Variants in UGT1A10 observed in about 807,000 individuals in gnomAD.
UGT1A10 encodes UDP-glucuronosyltransferase 1A10.
UGT1A10 carries 49 observed loss-of-function variants against 45.8 expected under a neutral mutation model. The ratio of observed to expected loss-of-function variants is 1.07; its 90% CI spans 0.85 to 1.36. The LOEUF is 1.36. UGT1A10 is among the 40% of genes most tolerant of loss of function. The pLI is 0.00. For synonymous variants in UGT1A10, 284 were observed against 249.7 expected, an observed-to-expected ratio of 1.14 and a Z score of -1.29; for missense variants, 745 against 668.6, an observed-to-expected ratio of 1.11 and a Z score of -1.26.
intron 1 of UGT1A10, among the ~76,000 whole-genome samples, chr2:233,654,681 C>G (rs2073816238): frequency 6.6e-6 from 1 of 152,230 alleles, no homozygotes; most frequent in South Asian, 2.1e-4. Flanking sequence ...AATTTCTAAG[C>G]ATTTCCTGCA....
chr2:233,676,583 TGTA>T (rs1363296300), intron 1 of UGT1A10, among the ~76,000 whole-genome samples: 1 of 152,194 alleles, frequency 6.6e-6, no homozygotes, highest in African/African-American at 2.4e-5. Flanking sequence ...CCACCTGAAA[TGTA>T]GTCATCATGT....
At chr2:233,682,792 G>A in intron 1 of UGT1A10, 1 of 1,611,130 alleles carries the variant, frequency 6.2e-7, no homozygotes, top group South Asian at 1.1e-5. Flanking sequence ...CAGTGCCTAT[G>A]GTAAGTTATC....
In UGT1A10 at chr2:233,693,744, A is replaced by G. The variant is rs533205358; in HGVS notation, c.855+56367A>G. ...AGAGATGTGGATATAATCACCTTAT[A>G]TCAGAAGGTCTCTGTTTGGCTGTTA... On this transcript the variant is annotated intron_variant, in intron 1 of 4. Transcript: ENST00000344644. 103 of 1,614,126 alleles carry G rather than the reference A, an allele frequency of 6.4e-5. No homozygotes were observed. The highest frequency in any genetic ancestry group is 7.9e-5 in the Non-Finnish European group (93 of 1,180,050).
At chr2:233,735,837 C>T (rs2078701654) in intron 1 of UGT1A10, among the ~76,000 whole-genome samples, 1 of 151,994 alleles carries the variant, frequency 6.6e-6, no homozygotes, top group South Asian at 2.1e-4. Flanking sequence ...GAATATTGGC[C>T]CCCACTCTCT....
chr2:233,671,236 T>C (rs958100210), intron 1 of UGT1A10, among the ~76,000 whole-genome samples: 1 of 152,322 alleles, frequency 6.6e-6, no homozygotes, highest in African/African-American at 2.4e-5. Context: ...TCGCAAGGAT[T>C]GGGCGGGCAA....
chr2:233,687,079 G>A (rs901848542), intron 1 of UGT1A10, among the ~76,000 whole-genome samples: 1 of 152,194 alleles, frequency 6.6e-6, no homozygotes, highest in African/African-American at 2.4e-5. Flanking sequence ...GATTTCATAA[G>A]TACTTCAGCT....
At position 233,636,712 on chromosome 2, in the gene UGT1A10, T is replaced by C; in HGVS notation, c.190T>C (p.Trp64Arg). 1 of 1,614,138 alleles carries C rather than the reference T, an allele frequency of 6.2e-7. No homozygotes were observed. The highest frequency in any genetic ancestry group is 1.1e-5 in the South Asian group (1 of 91,076). Reference protein sequence around the residue: ...EVVVVMPEVSWQLERSLNCTV... With the variant: ...EVVVVMPEVSRQLERSLNCTV... ...GGTTGTAGTCATGCCAGAGGTGAGT[T>C]GGCAACTGGAAAGATCACTGAATTG... Residue 64 changes from tryptophan to arginine, a missense_variant, in exon 1 of 5, where the codon TGG becomes CGG. Coordinates refer to ENST00000344644, the MANE Select transcript of UGT1A10 (RefSeq NM_019075.4).
At chr2:233,737,974 T>C (rs1690646890) in intron 1 of UGT1A10, among the ~76,000 whole-genome samples, 1 of 152,114 alleles carries the variant, frequency 6.6e-6, no homozygotes, top group South Asian at 2.1e-4. Flanking sequence ...CTAGATTTAA[T>C]ATGGTTTGGC....
At chr2:233,712,262 T>G (rs1270284843) in intron 1 of UGT1A10, among the ~76,000 whole-genome samples, 1 of 152,236 alleles carries the variant, frequency 6.6e-6, no homozygotes, top group African/African-American at 2.4e-5. Context: ...TGCACATGTG[T>G]GCTTTAGACA....
At chr2:233,647,316 G>A (rs145829220) in intron 1 of UGT1A10, among the ~76,000 whole-genome samples, 9 of 152,232 alleles carry the variant, frequency 5.9e-5, no homozygotes, top group Non-Finnish European at 1.3e-4. Context: ...TTACATTTTC[G>A]TATCTAAGGT....
chr2:233,648,612 C>G (rs1373356666), intron 1 of UGT1A10, among the ~76,000 whole-genome samples: 2 of 119,014 alleles, frequency 1.7e-5, no homozygotes, highest in African/African-American at 6.5e-5. Flanking sequence ...AGGTGCCTGC[C>G]ACCACGCCTG....
intron 1 of UGT1A10, among the ~76,000 whole-genome samples, chr2:233,723,070 TATC>T (rs1029287051): frequency 2.8e-5 from 4 of 141,500 alleles, no homozygotes; most frequent in Admixed American, 7.2e-5. Context: ...TATGGAAATA[TATC>T]ATCATTTTTG....
intron 1 of UGT1A10, chr2:233,692,193 G>C (rs1481987311): frequency 1.3e-5 from 2 of 152,356 alleles, no homozygotes. Flanking sequence ...GGTTGCTGAA[G>C]GTGTGGAGGG....
At chr2:233,728,384 G>T (rs533416663) in intron 1 of UGT1A10, among the ~76,000 whole-genome samples, 3 of 152,276 alleles carry the variant, frequency 2.0e-5, no homozygotes, top group Admixed American at 1.3e-4. Flanking sequence ...TCTTTGCTAG[G>T]GTTGTCTTGC....
At chr2:233,717,613 A>C (rs998519106) in intron 1 of UGT1A10, among the ~76,000 whole-genome samples, 1 of 152,256 alleles carries the variant, frequency 6.6e-6, no homozygotes, top group African/African-American at 2.4e-5. Flanking sequence ...GGCACAGCCC[A>C]GAGAGCCTGC....
intron 1 of UGT1A10, among the ~76,000 whole-genome samples, chr2:233,725,204 A>AGAGGCAGAG (rs1559370312): frequency 1.2e-4 from 10 of 85,258 alleles, no homozygotes; most frequent in African/African-American, 8.3e-4. Context: ...AGGCAGAGGC[A>AGAGGCAGAG]GAGGCAGAGG....
rs573485749 is a variant in UGT1A10 at position 233,724,715 on chromosome 2, C to G, written c.856-42319C>G. On this transcript the variant is annotated intron_variant, in intron 1 of 4. Coordinates refer to ENST00000344644, the MANE Select transcript of UGT1A10 (RefSeq NM_019075.4). ...GTGAAGACGCTCCTCGCTTTCCAGACTGGGCAGCCAGGCAGAGGGGCTCCT... is the reference window on the plus strand; with the variant it reads ...GTGAAGACGCTCCTCGCTTTCCAGAGTGGGCAGCCAGGCAGAGGGGCTCCT... Among the ~76,000 whole-genome samples, 232 of 143,874 alleles carry G rather than the reference C, an allele frequency of 1.6e-3. 23 individuals carry two copies. Among genetic ancestry groups the G allele is most frequent in the African/African-American group, 6.0e-3 (227 of 38,016 alleles). The allele number at this position is 143,874 out of a possible 152,430, so 94.4% of individuals were successfully genotyped here. A position where few individuals can be genotyped will look rare whatever the true frequency, so the allele number is the denominator to read the frequency against.
chr2:233,638,386 C>T (rs561166431), intron 1 of UGT1A10, among the ~76,000 whole-genome samples: 2 of 152,274 alleles, frequency 1.3e-5, no homozygotes, highest in East Asian at 1.9e-4. Flanking sequence ...CCAGCCACAT[C>T]ACTAACTTTT....
In UGT1A10 at chr2:233,636,802, G is replaced by A. The variant is rs776832853; in HGVS notation, c.280G>A (p.Ala94Thr). Reference protein sequence around the residue: ...EDQNREFMVFAHAQWKAQAQS... With the variant: ...EDQNREFMVFTHAQWKAQAQS... ...TCAGAACCGGGAATTCATGGTTTTC[G>A]CCCATGCTCAATGGAAAGCACAGGC... is the stretch of plus-strand genomic sequence containing the variant. Residue 94 changes from alanine to threonine, a missense_variant, in exon 1 of 5, where the codon GCC (alanine) becomes ACC (threonine). By Grantham distance (58) the Ala-to-Thr change is moderately conservative. Transcript: ENST00000344644. 5.1e-5 allele frequency: 83 copies of A among 1,614,038 alleles called. No individual in the cohort carries two copies. The South Asian group carries it at 5.8e-4, about 11-fold the overall frequency.
Sources: gnomAD v4.1 joint callset for allele counts (sites outside exome capture counted in the v4.1 genomes callset) on GRCh38, gnomAD v4.1.1 for gene constraint, MANE v1.5 for transcripts, NCBI Gene and HGNC (gene_info 2026-07-23, HGNC 2026-07-21) for gene names.